Variants in TESK2 observed in about 807,000 individuals in gnomAD.
TESK2 encodes the protein dual specificity testis-specific protein kinase 2.
A neutral mutation model predicts 57.1 loss-of-function variants in TESK2; 39 were observed. That is an observed-to-expected ratio of 0.68 (90% CI 0.53 to 0.89). The LOEUF is 0.89. Ranked by LOEUF, TESK2 falls within the 40% of genes least tolerant of loss-of-function variation. TESK2 has a pLI of 0.00. For synonymous variants in TESK2, 249 were observed against 267.9 expected, an observed-to-expected ratio of 0.93 and a Z score of 0.69; for missense variants, 646 against 732.1, an observed-to-expected ratio of 0.88 and a Z score of 1.36.
intron 3 of TESK2, among the ~76,000 whole-genome samples, chr1:45,401,900 A>G (rs1015183873): frequency 6.6e-6 from 1 of 152,154 alleles, no homozygotes; most frequent in East Asian, 1.9e-4. Flanking sequence ...CATACATATC[A>G]TAGGGGTTCT....
chr1:45,357,984 A>C (rs1647510699), intron 4 of TESK2, among the ~76,000 whole-genome samples: 1 of 133,998 alleles, frequency 7.5e-6, no homozygotes, highest in Non-Finnish European at 1.6e-5. Flanking sequence ...AGCCTGGGCA[A>C]GTGACGGAGT....
rs772253950 is a variant in TESK2, at chr1:45,457,723, C to T, written c.63G>A (p.Glu21=). ...CTTCTCCTCCACCACCTCCTTCAAA[C>T]TCTTCAAGACGCTCCACACGTGGAG... ...GFPPRVERLE[E]FEGGGGGEGN... is the part of the protein sequence containing the mutation. Residue 21 remains glutamate, a synonymous_variant, in exon 2 of 11, where the codon GAG becomes GAA. Coordinates refer to ENST00000372086, the MANE Select transcript of TESK2 (RefSeq NM_007170.3). The T allele has an allele frequency of 3.1e-6, 5 of 1,614,190 alleles. No homozygotes were observed. The highest frequency in any genetic ancestry group is 3.3e-4 in the Middle Eastern group (2 of 6,062).
chr1:45,389,063 G>C (rs761108559), intron 3 of TESK2, among the ~76,000 whole-genome samples: 2 of 152,116 alleles, frequency 1.3e-5, no homozygotes, highest in Non-Finnish European at 2.9e-5. Context: ...TGAGGGCTCT[G>C]CCTAATCCAT....
At chr1:45,417,378 T>C (rs1024320899) in intron 3 of TESK2, among the ~76,000 whole-genome samples, 2 of 151,912 alleles carry the variant, frequency 1.3e-5, no homozygotes, top group Non-Finnish European at 1.5e-5. Flanking sequence ...GTTACAGGCA[T>C]GCACCACCAC....
intron 1 of TESK2, among the ~76,000 whole-genome samples, chr1:45,467,767 A>C (rs1323963594): frequency 6.6e-6 from 1 of 152,122 alleles, no homozygotes; most frequent in East Asian, 1.9e-4. Flanking sequence ...TCAAACTTTT[A>C]TTCTGCTAAA....
chr1:45,468,858 A>G (rs767345429), intron 1 of TESK2, among the ~76,000 whole-genome samples: 10 of 152,200 alleles, frequency 6.6e-5, no homozygotes, highest in Non-Finnish European at 1.5e-4. Context: ...CTAAATGCCA[A>G]TAATGCCCTG....
intron 2 of TESK2, among the ~76,000 whole-genome samples, 197 bp from the exon 3 acceptor site, chr1:45,422,043 T>A (rs1000419856): frequency 6.6e-6 from 1 of 152,176 alleles, no homozygotes; most frequent in Admixed American, 6.6e-5. Context: ...CACATTGAGT[T>A]GGCCAGAAAA....
rs758689024 is a variant in TESK2, at chr1:45,345,366, G to C, written c.1190C>G (p.Pro397Arg). The C allele has an allele frequency of 1.2e-6, 2 of 1,614,124 alleles. No homozygotes were observed. Residue 397 changes from proline (P) to arginine (R), a missense_variant, in exon 11 of 11, where the codon CCC becomes CGC. Physicochemically the swap from Pro to Arg is moderately radical, Grantham distance 103. Coordinates refer to ENST00000372086, the MANE Select transcript of TESK2 (RefSeq NM_007170.3). Reference sequence around the variant, plus strand: ...GCGAGCACTAAAAGGGTTGACTTTGGGGGTGCGGGCAGCACCATCTCGTGG... The same window carrying C: ...GCGAGCACTAAAAGGGTTGACTTTGCGGGTGCGGGCAGCACCATCTCGTGG... Reference protein sequence around the residue: ...YRPRDGAARTPKVNPFSARQD... With the variant: ...YRPRDGAARTRKVNPFSARQD...
chr1:45,446,168 C>CTT lies in TESK2; in HGVS notation c.222+11394_222+11395dup, dbSNP rs150733462. ...CAAAGCATAGAAGAAAAAAAACTTC[C>CTT]TTTTTTTTTTTTTTAGACAGGGTCT... is the stretch of plus-strand genomic sequence containing the variant. On this transcript the variant is annotated intron_variant, in intron 2 of 10. Transcript: ENST00000372086. Among the ~76,000 whole-genome samples the CTT allele has an allele frequency of 1.7e-3, 251 of 143,816 alleles. 2 individuals carry two copies. In the Middle Eastern group the frequency reaches 0.028, roughly 16 times the overall value. 94.3% of individuals were successfully genotyped at this position (143,816 alleles called of 152,430 possible).
chr1:45,442,187 C>T (rs1651472989), intron 2 of TESK2, among the ~76,000 whole-genome samples: 1 of 152,110 alleles, frequency 6.6e-6, no homozygotes, highest in South Asian at 2.1e-4. Context: ...CCACCCACCT[C>T]AGCCTCCCAA....
intron 1 of TESK2, among the ~76,000 whole-genome samples, chr1:45,464,829 A>T (rs1280306048): frequency 1.3e-5 from 2 of 152,332 alleles, no homozygotes; most frequent in South Asian, 2.1e-4. Context: ...GGCAGGGCAC[A>T]GTGGCTAACT....
intron 2 of TESK2, among the ~76,000 whole-genome samples, chr1:45,434,674 C>T (rs370586531): frequency 1.3e-5 from 2 of 151,782 alleles, no homozygotes; most frequent in African/African-American, 4.8e-5. Context: ...ATGGGATTTT[C>T]GGGGTAGGGA....
In TESK2 at chr1:45,345,937, G is replaced by A. The variant is rs1169542433; in HGVS notation, c.937C>T (p.Leu313=). The A allele has an allele frequency of 6.2e-7, 1 of 1,614,166 alleles. No individual in the cohort carries two copies. The highest frequency in any genetic ancestry group is 8.5e-7 in the Non-Finnish European group (1 of 1,180,030). ...TGCTCTTCTTCCTGTAGGCGGCTCA[G>A]AATTTCCTCCAGGGTCTTCCCAATC... ...VEIGKTLEEI[L]SRLQEEEQER... The change falls in exon 10 of 11, where the codon CTG becomes TTG. Residue 313 remains leucine (L), a synonymous_variant. Coordinates refer to ENST00000372086, the MANE Select transcript of TESK2 (RefSeq NM_007170.3).
chr1:45,426,115 C>T (rs1468337245), intron 2 of TESK2, among the ~76,000 whole-genome samples: 1 of 151,954 alleles, frequency 6.6e-6, no homozygotes, highest in Admixed American at 6.6e-5. Context: ...TGCACCACTG[C>T]ACTCCAGCCT....
chr1:45,363,720 A>C (rs1050803134), intron 4 of TESK2, among the ~76,000 whole-genome samples: 14 of 152,026 alleles, frequency 9.2e-5, no homozygotes, highest in Non-Finnish European at 1.6e-4. Context: ...ATTAGTAATT[A>C]TTCTTTTTTT....
intron 1 of TESK2, among the ~76,000 whole-genome samples, chr1:45,487,362 C>T (rs1422359094): frequency 2.0e-5 from 3 of 152,136 alleles, no homozygotes; most frequent in Non-Finnish European, 4.4e-5. Context: ...TGGGTCCCTC[C>T]TTGGTGAGCA....
intron 3 of TESK2, among the ~76,000 whole-genome samples, chr1:45,397,571 TTC>T (rs996928512): frequency 6.6e-6 from 1 of 151,988 alleles, no homozygotes; most frequent in Non-Finnish European, 1.5e-5. Flanking sequence ...TCCACCTGCA[TTC>T]TCTCTCTTTT....
At chr1:45,361,871 C>G (rs1249923205) in intron 4 of TESK2, among the ~76,000 whole-genome samples, 4 of 152,160 alleles carry the variant, frequency 2.6e-5, no homozygotes, top group African/African-American at 9.7e-5. Flanking sequence ...GGCACAGTGG[C>G]TCTCGCCTGT....
chr1:45,428,127 G>T (rs1650779342), intron 2 of TESK2, among the ~76,000 whole-genome samples: 1 of 152,088 alleles, frequency 6.6e-6, no homozygotes, highest in Non-Finnish European at 1.5e-5. Context: ...TACAGCATTT[G>T]CTACATACTA....
Sources: gnomAD v4.1 joint callset for allele counts (sites outside exome capture counted in the v4.1 genomes callset) on GRCh38, gnomAD v4.1.1 for gene constraint, MANE v1.5 for transcripts, NCBI Gene and HGNC (gene_info 2026-07-23, HGNC 2026-07-21) for gene names.